CFAP61: variants seen among roughly 807,000 people sequenced by gnomAD.
CFAP61 encodes cilia and flagella associated protein 61.
Under a neutral mutation model 135.6 loss-of-function variants are expected in CFAP61, and 107 were observed. That is an observed-to-expected ratio of 0.79 (90% CI 0.67 to 0.93). The LOEUF (loss-of-function observed/expected upper bound fraction) is 0.93, where lower values mean the gene tolerates loss of function less well. CFAP61 is among the 40% of genes least tolerant of loss of function. The probability of loss-of-function intolerance (pLI) is 0.00; values close to 1 mark genes in which losing one functional copy is unlikely to be tolerated. For synonymous variants in CFAP61, 575 were observed against 578.5 expected (o/e 0.99, Z 0.09); for missense variants, 1,507 against 1,556.2 (o/e 0.97, Z 0.53).
intron 9 of CFAP61, among the ~76,000 whole-genome samples, chr20:20,150,521 T>C (rs1286519072): frequency 2.0e-5 from 3 of 152,200 alleles, no homozygotes; most frequent in African/African-American, 7.2e-5. Flanking sequence ...CCAATTCCAC[T>C]GCCTGAAACA....
At chr20:20,089,555 T>A (rs1462950767) in intron 6 of CFAP61, among the ~76,000 whole-genome samples, 1 of 137,070 alleles carries the variant, frequency 7.3e-6, no homozygotes, top group Non-Finnish European at 1.6e-5. Context: ...AATAACACAA[T>A]GCTGAAACAT....
At chr20:20,312,910 A>C (rs945239649) in intron 25 of CFAP61, among the ~76,000 whole-genome samples, 8 of 152,200 alleles carry the variant, frequency 5.3e-5, no homozygotes, top group African/African-American at 1.9e-4. Flanking sequence ...CATCCTACCC[A>C]TGCCAACCAA....
intron 25 of CFAP61, among the ~76,000 whole-genome samples, chr20:20,303,789 G>C (rs1348039739): frequency 6.6e-6 from 1 of 152,206 alleles, no homozygotes; most frequent in African/African-American, 2.4e-5. Context: ...ACCTACCTCA[G>C]TGCCCGCTGC....
At chr20:20,245,240 C>A (rs1440074424) in intron 18 of CFAP61, among the ~76,000 whole-genome samples, 2 of 152,196 alleles carry the variant, frequency 1.3e-5, no homozygotes, top group African/African-American at 2.4e-5. Context: ...TACCAATTTA[C>A]TGTATTAGTC....
At chr20:20,311,989 A>G (rs1415155158) in intron 25 of CFAP61, among the ~76,000 whole-genome samples, 3 of 152,240 alleles carry the variant, frequency 2.0e-5, no homozygotes, top group African/African-American at 7.2e-5. Context: ...AGTCCGACTT[A>G]ATAAATCTTG....
At chr20:20,244,691 C>A (rs6112831) in intron 18 of CFAP61, among the ~76,000 whole-genome samples, 14,296 of 152,276 alleles carry the variant, frequency 0.094, 789 homozygotes, top group Middle Eastern at 0.16. Flanking sequence ...ACATTCGGCT[C>A]CTTGTTACTT....
chr20:20,336,296 A>C (rs1023018670), intron 25 of CFAP61, among the ~76,000 whole-genome samples: 3 of 152,236 alleles, frequency 2.0e-5, no homozygotes, highest in African/African-American at 7.2e-5. Flanking sequence ...ATCATTACTT[A>C]GGACAAGACA....
At chr20:20,063,692 G>A (rs1364599638) in intron 2 of CFAP61, among the ~76,000 whole-genome samples, 2 of 152,142 alleles carry the variant, frequency 1.3e-5, no homozygotes, top group Non-Finnish European at 2.9e-5. Flanking sequence ...TGAGATCCTA[G>A]CTATTGCAGT....
chr20:20,198,356 C>A (rs1282596002), intron 16 of CFAP61, among the ~76,000 whole-genome samples: 1 of 152,106 alleles, frequency 6.6e-6, no homozygotes, highest in Non-Finnish European at 1.5e-5. Context: ...AGAGAAAGTC[C>A]ATTTGCATCC....
intron 7 of CFAP61, among the ~76,000 whole-genome samples, chr20:20,097,995 C>T (rs570391339): frequency 1.5e-4 from 23 of 152,180 alleles, no homozygotes; most frequent in Admixed American, 4.6e-4. Flanking sequence ...TAGACAGGAG[C>T]GCCAGGCTTA....
At chr20:20,346,482 C>T (rs2058639812) in intron 26 of CFAP61, among the ~76,000 whole-genome samples, 1 of 143,170 alleles carries the variant, frequency 7.0e-6, no homozygotes, top group Admixed American at 7.1e-5. Context: ...CATGCCATTG[C>T]ACTCCAGCCT....
chr20:20,251,270 CTGAAGT>C (rs1395326393), intron 19 of CFAP61, among the ~76,000 whole-genome samples: 1 of 152,034 alleles, frequency 6.6e-6, no homozygotes, highest in African/African-American at 2.4e-5. Context: ...TACAACCACT[CTGAAGT>C]AGAAGCAGAA....
intron 6 of CFAP61, among the ~76,000 whole-genome samples, chr20:20,077,807 A>G (rs1252229642): frequency 1.4e-5 from 2 of 147,186 alleles, no homozygotes; most frequent in Admixed American, 6.6e-5. Context: ...CTGGGTTAAG[A>G]TAGGGGTTGT....
intron 8 of CFAP61, among the ~76,000 whole-genome samples, chr20:20,110,007 A>G (rs1372067782): frequency 2.0e-5 from 3 of 151,876 alleles, no homozygotes; most frequent in African/African-American, 7.3e-5. Context: ...CCCAGGTTCA[A>G]GTGATTCTCC....
rs191485604 is a variant in CFAP61 at position 20,223,735 on chromosome 20, T to A, written c.1933-4514T>A. Among the ~76,000 whole-genome samples, 250 of 152,318 alleles carry A rather than the reference T, an allele frequency of 1.6e-3. 2 individuals are homozygous for A. The highest frequency in any genetic ancestry group is 5.8e-3 in the African/African-American group (243 of 41,574). ...TTATATTTTGACCAATTTTTTTCTA[T>A]ACACACAGAACAGTTAACAAATGTG... On this transcript the variant is annotated intron_variant, in intron 17 of 26. Transcript: ENST00000245957.
rs1442992904 is a variant in CFAP61 at position 20,200,906 on chromosome 20, G to A, written c.1932+1004G>A. On this transcript the variant is annotated intron_variant, in intron 17 of 26. Transcript: ENST00000245957. ...CAGCTTTGCGGGTGCACTGAGGGAT[G>A]GGGAGGGCACCTCCATCAGACCAAC... is the stretch of plus-strand genomic sequence containing the variant. The A allele has an allele frequency of 3.0e-6, 3 of 985,124 alleles. No homozygotes were observed. The African/African-American group carries it at 5.2e-5, about 17-fold the overall frequency. 61.0% of individuals were successfully genotyped at this position (985,124 alleles called of 1,614,324 possible).
chr20:20,169,771 A>AGATT (rs11472049), intron 13 of CFAP61, among the ~76,000 whole-genome samples: 136,590 of 151,890 alleles, frequency 0.9, 62,237 homozygotes, highest in Middle Eastern at 0.99. Flanking sequence ...CAGATTGTGC[A>AGATT]GATCTTTGTA....
intron 8 of CFAP61, among the ~76,000 whole-genome samples, chr20:20,136,630 C>T (rs1167642140): frequency 2.0e-5 from 3 of 152,160 alleles, no homozygotes; most frequent in African/African-American, 2.4e-5. Flanking sequence ...TGATAGGATT[C>T]GAATTCCTTC....
At chr20:20,259,423 T>C (rs1303548228) in intron 20 of CFAP61, among the ~76,000 whole-genome samples, 1 of 91,242 alleles carries the variant, frequency 1.1e-5, no homozygotes, top group Non-Finnish European at 2.2e-5. Context: ...ACCCAGCTAA[T>C]TTTTTTTTTT....
Sources: gnomAD v4.1 joint callset for allele counts (sites outside exome capture counted in the v4.1 genomes callset) on GRCh38, gnomAD v4.1.1 for gene constraint, MANE v1.5 for transcripts, NCBI Gene and HGNC (gene_info 2026-07-23, HGNC 2026-07-21) for gene names.